EIF3H: variants seen among roughly 807,000 people sequenced by gnomAD.
EIF3H encodes the protein eukaryotic translation initiation factor 3 subunit H, also known as eIF-3-gamma.
A neutral mutation model predicts 44.2 loss-of-function variants in EIF3H; 26 were observed. The observed-to-expected ratio is 0.59, with a 90% CI of 0.43 to 0.82. The LOEUF (loss-of-function observed/expected upper bound fraction) is 0.82. Among genes scored for constraint, EIF3H ranks in the 40% least tolerant of loss-of-function variants. EIF3H has a pLI of 0.00. For missense variants in EIF3H, 359 were observed against 432.8 expected (o/e 0.83, Z 1.51); for synonymous variants, 166 against 151.9 (o/e 1.09, Z -0.68).
chr8:116,650,178 C>T (rs1004769354), intron 5 of EIF3H, among the ~76,000 whole-genome samples: 4 of 152,138 alleles, frequency 2.6e-5, no homozygotes, highest in East Asian at 1.9e-4. Flanking sequence ...CATTCTGCTG[C>T]TATGCAAATA....
intron 2 of EIF3H, among the ~76,000 whole-genome samples, chr8:116,693,562 T>C (rs945627518): frequency 2.6e-5 from 4 of 152,212 alleles, no homozygotes; most frequent in African/African-American, 7.2e-5. Flanking sequence ...ATGTCAACAG[T>C]CCACTGTGGC....
At chr8:116,743,804 A>ATATATATATATATAT (rs1815180734) in intron 1 of EIF3H, among the ~76,000 whole-genome samples, 3 of 23,884 alleles carry the variant, frequency 1.3e-4, no homozygotes, top group Non-Finnish European at 1.7e-4. Flanking sequence ...ATATAAACAC[A>ATATATATATATATAT]CACACACACA....
At chr8:116,657,357 C>G (rs375394176) in intron 3 of EIF3H, 43 bp from the exon 4 acceptor site, 40 of 1,472,462 alleles carry the variant, frequency 2.7e-5, no homozygotes, top group Non-Finnish European at 3.5e-5. Flanking sequence ...AATTTTGTCA[C>G]TGCCAGGCTT....
intron 1 of EIF3H, among the ~76,000 whole-genome samples, 196 bp downstream of exon 1, chr8:116,755,470 C>T (rs930733501): frequency 6.6e-6 from 1 of 152,208 alleles, no homozygotes; most frequent in African/African-American, 2.4e-5. Flanking sequence ...GAAGCCCCAA[C>T]TGTCCCGTTA....
chr8:116,655,735 T>C (rs1371071839), intron 5 of EIF3H, 121 bp downstream of exon 5: 1 of 1,070,580 alleles, frequency 9.3e-7, no homozygotes, highest in Admixed American at 2.3e-5. Context: ...TTATACATGT[T>C]TTAAGAACCT....
At chr8:116,725,822 C>T (rs998969973) in intron 2 of EIF3H, among the ~76,000 whole-genome samples, 194 bp downstream of exon 2, 2 of 152,134 alleles carry the variant, frequency 1.3e-5, no homozygotes, top group South Asian at 4.1e-4. Flanking sequence ...TAAGTAAAGG[C>T]CAAACTAATG....
rs1563633795 is a variant in EIF3H, at chr8:116,656,009, T to G, written c.558-4A>C. ...GGTGATATTTGCTTTTTTCAATCTG[T>G]GAAGCATGTTAAAAATACTTTAGTC... is the stretch of plus-strand genomic sequence containing the variant. On this transcript the variant is annotated splice_region_variant and splice_polypyrimidine_tract_variant and intron_variant, in intron 4 of 7. Coordinates refer to ENST00000521861, the MANE Select transcript of EIF3H (RefSeq NM_003756.3). 3.1e-6 allele frequency: 5 copies of G among 1,612,564 alleles called. No homozygotes were observed. The highest frequency in any genetic ancestry group is 4.2e-6 in the Non-Finnish European group (5 of 1,179,350).
At chr8:116,693,939 G>C (rs1240787634) in intron 2 of EIF3H, among the ~76,000 whole-genome samples, 1 of 152,080 alleles carries the variant, frequency 6.6e-6, no homozygotes, top group African/African-American at 2.4e-5. Context: ...AAAGTGCTAG[G>C]ATGACAGGCA....
At chr8:116,655,025 T>C (rs1462128855) in intron 5 of EIF3H, among the ~76,000 whole-genome samples, 2 of 151,928 alleles carry the variant, frequency 1.3e-5, no homozygotes, top group Non-Finnish European at 2.9e-5. Flanking sequence ...AACAAGCATA[T>C]ATTGATTCTT....
intron 1 of EIF3H, among the ~76,000 whole-genome samples, chr8:116,729,553 T>G (rs1814917174): frequency 6.6e-6 from 1 of 152,128 alleles, no homozygotes; most frequent in African/African-American, 2.4e-5. Flanking sequence ...AAAGAAATAA[T>G]TATCTCGCTC....
chr8:116,741,046 CTT>C (rs1245743964), intron 1 of EIF3H, among the ~76,000 whole-genome samples: 1 of 152,146 alleles, frequency 6.6e-6, no homozygotes, highest in African/African-American at 2.4e-5. Context: ...CACCTCTTCT[CTT>C]TTTTCCTTTT....
rs56700266 is a variant in EIF3H at position 116,666,753 on chromosome 8, C to CAAAAAAAAAAAAAAAAAA, written c.290-7791_290-7774dup. Among the ~76,000 whole-genome samples the CAAAAAAAAAAAAAAAAAA allele has an allele frequency of 2.7e-4, 19 of 71,444 alleles. 1 individual carries two copies. The highest frequency in any genetic ancestry group is 1.3e-3 in the African/African-American group (19 of 14,600). The allele number at this position is 71,444 out of a possible 152,430, so 46.9% of individuals were successfully genotyped here. ...CCAAATGAGAATCTTTAGTGTTAGG[C>CAAAAAAAAAAAAAAAAAA]AAAAAAAAAAAAAAAAAAAAAAATT... On this transcript the variant is annotated intron_variant, in intron 2 of 7. Transcript: ENST00000521861.
chr8:116,720,276 ATTG>A (rs970524694), intron 2 of EIF3H, among the ~76,000 whole-genome samples: 8 of 152,262 alleles, frequency 5.3e-5, no homozygotes, highest in South Asian at 2.1e-4. Flanking sequence ...AAAAACTTCA[ATTG>A]TTGTAATGTT....
chr8:116,715,272 C>T (rs893603013), intron 2 of EIF3H, among the ~76,000 whole-genome samples: 21 of 151,898 alleles, frequency 1.4e-4, no homozygotes, highest in African/African-American at 5.1e-4. Flanking sequence ...GTATCTCTTA[C>T]TCCAACACCA....
At chr8:116,759,489 C>G (rs1206676537), upstream of EIF3H, among the ~76,000 whole-genome samples, 2 of 152,162 alleles carry the variant, frequency 1.3e-5, no homozygotes, top group Non-Finnish European at 2.9e-5. Flanking sequence ...TCAGAACTAC[C>G]CAGTATTGGA....
At chr8:116,745,915 T>C (rs1370594869) in intron 1 of EIF3H, among the ~76,000 whole-genome samples, 4 of 151,126 alleles carry the variant, frequency 2.6e-5, no homozygotes, top group African/African-American at 9.7e-5. Flanking sequence ...AGCAAGACTC[T>C]GTCTCAAAGG....
At chr8:116,671,489 C>T (rs961554936) in intron 2 of EIF3H, among the ~76,000 whole-genome samples, 3 of 152,206 alleles carry the variant, frequency 2.0e-5, no homozygotes, top group Admixed American at 6.5e-5. Flanking sequence ...GTTAGACCAA[C>T]GCGTTAAATG....
intron 1 of EIF3H, among the ~76,000 whole-genome samples, chr8:116,729,631 G>A (rs1814918224): frequency 6.6e-6 from 1 of 152,074 alleles, no homozygotes; most frequent in African/African-American, 2.4e-5. Flanking sequence ...ACCAGTAACA[G>A]TACCAAACTA....
intron 2 of EIF3H, among the ~76,000 whole-genome samples, chr8:116,691,439 T>C (rs1172273038): frequency 6.6e-6 from 1 of 152,158 alleles, no homozygotes; most frequent in African/African-American, 2.4e-5. Context: ...GTTGTTTCCT[T>C]TGGTCAGTTA....
Sources: allele counts gnomAD v4.1 joint callset (sites outside exome capture counted in the v4.1 genomes callset), GRCh38; gene constraint gnomAD v4.1.1; transcripts MANE v1.5; gene names NCBI Gene and HGNC (gene_info 2026-07-23, HGNC 2026-07-21).